Variants in PRR16 observed in about 807,000 individuals in gnomAD.
PRR16 encodes the protein proline rich 16, also known as protein Largen.
In PRR16, 6 loss-of-function variants were observed where a neutral mutation model predicts 18.2. That is an observed-to-expected ratio of 0.33 (90% CI 0.18 to 0.65). The LOEUF is 0.65. Ranked by LOEUF, PRR16 falls within the 30% of genes least tolerant of loss-of-function variation. The pLI is 0.74. For synonymous variants in PRR16, 151 were observed against 147.8 expected, an observed-to-expected ratio of 1.02 and a Z score of -0.16; for missense variants, 412 against 376.6, an observed-to-expected ratio of 1.09 and a Z score of -0.78.
Position 120,686,600 on chromosome 5 carries a change from T to G in PRR16, c.806T>G (p.Ile269Arg), listed in dbSNP as rs921854048. The G allele has an allele frequency of 3.1e-6, 5 of 1,613,514 alleles. No individual in the cohort carries two copies. The African/African-American group carries it at 5.3e-5, about 17-fold the overall frequency. Residue 269 changes from isoleucine (I) to arginine (R), a missense_variant, in exon 2 of 2, where the codon ATA (isoleucine) becomes AGA (arginine). Coordinates refer to ENST00000407149, the MANE Select transcript of PRR16 (RefSeq NM_001300783.2). Reference protein sequence around the residue: ...PFPLENGGMGISHSNSFPPIR... With the variant: ...PFPLENGGMGRSHSNSFPPIR... ...CCACTAGAAAATGGGGGAATGGGAA[T>G]AAGCCACAGTAACAGCTTCCCCCCT...
chr5:120,641,543 G>T (rs956163775), intron 1 of PRR16, among the ~76,000 whole-genome samples: 2 of 152,024 alleles, frequency 1.3e-5, no homozygotes, highest in African/African-American at 4.8e-5. Flanking sequence ...ACACTGCCCT[G>T]CATGAAGTGA....
Position 120,485,348 on chromosome 5 carries a change from T to G in PRR16, c.159+20703T>G, listed in dbSNP as rs1281024375. The stretch of plus-strand genomic sequence containing the variant: ...TAGGATAAATATTGATCATCCTGTT[T>G]CAGACATTTTATTAATGAAATATTA... On this transcript the variant is annotated intron_variant, in intron 1 of 1. Transcript: ENST00000407149. Among the ~76,000 whole-genome samples the G allele has an allele frequency of 2.6e-5, 4 of 152,208 alleles. No homozygotes were observed. In the East Asian group the frequency reaches 7.7e-4, roughly 29 times the overall value.
chr5:120,649,557 A>C (rs1755706652), intron 1 of PRR16, among the ~76,000 whole-genome samples: 2 of 152,202 alleles, frequency 1.3e-5, no homozygotes, highest in African/African-American at 4.8e-5. Context: ...TAAAGTAAAC[A>C]GATGTAGCTC....
chr5:120,601,477 G>T (rs1423746339), intron 1 of PRR16, among the ~76,000 whole-genome samples: 1 of 151,988 alleles, frequency 6.6e-6, no homozygotes, highest in Non-Finnish European at 1.5e-5. Flanking sequence ...ACCTTTGTCA[G>T]ATGCATAGTT....
At chr5:120,491,101 G>A (rs914440421) in intron 1 of PRR16, among the ~76,000 whole-genome samples, 1 of 152,144 alleles carries the variant, frequency 6.6e-6, no homozygotes, top group African/African-American at 2.4e-5. Context: ...TCGGGGTCAG[G>A]GACGCACTTG....
intron 1 of PRR16, among the ~76,000 whole-genome samples, chr5:120,670,261 T>A (rs566662819): frequency 6.6e-6 from 1 of 152,264 alleles, no homozygotes; most frequent in Admixed American, 6.5e-5. Context: ...TTTGTTAAAA[T>A]TAAACAACAT....
At chr5:120,754,406 C>CTATATACTATATATTATATAATATATAG in the PRR16 span, among the ~76,000 whole-genome samples, 3 of 38,522 alleles carry the variant, frequency 7.8e-5, no homozygotes, top group African/African-American at 3.9e-4. Flanking sequence ...ATATATTATA[C>CTATATACTATATATTATATAATATATAG]TATATACTAT....
intron 1 of PRR16, among the ~76,000 whole-genome samples, chr5:120,674,678 A>G (rs1473648335): frequency 6.6e-6 from 1 of 151,950 alleles, no homozygotes; most frequent in Non-Finnish European, 1.5e-5. Context: ...TCAACCATGA[A>G]ATTTTTATTC....
chr5:120,756,012 A>G, the PRR16 span, among the ~76,000 whole-genome samples: 246 of 152,250 alleles, frequency 1.6e-3, 3 homozygotes, highest in African/African-American at 5.5e-3. Flanking sequence ...AAATGAAGGA[A>G]TGACCTGCAA....
chr5:120,656,601 C>T (rs577556302), intron 1 of PRR16, among the ~76,000 whole-genome samples: 28 of 151,772 alleles, frequency 1.8e-4, no homozygotes, highest in Middle Eastern at 3.4e-3. Flanking sequence ...CTATGAAAAG[C>T]ACACATTTCA....
chr5:120,672,836 A>T (rs922713858), intron 1 of PRR16, among the ~76,000 whole-genome samples: 1 of 152,198 alleles, frequency 6.6e-6, no homozygotes, highest in Non-Finnish European at 1.5e-5. Context: ...TAGTTCCATT[A>T]TCTTGAGTTA....
chr5:120,640,056 C>G (rs1400250859), intron 1 of PRR16, among the ~76,000 whole-genome samples: 2 of 151,956 alleles, frequency 1.3e-5, no homozygotes, highest in Non-Finnish European at 1.5e-5. Context: ...AACCAAATAC[C>G]ACATGATCTC....
At chr5:120,655,373 C>CG (rs1755931069) in intron 1 of PRR16, among the ~76,000 whole-genome samples, 1 of 72,080 alleles carries the variant, frequency 1.4e-5, no homozygotes, top group Non-Finnish European at 3.2e-5. Context: ...CAATAATTGA[C>CG]CTTTTTTTTT....
intron 1 of PRR16, among the ~76,000 whole-genome samples, chr5:120,562,609 G>A (rs1431285318): frequency 2.0e-5 from 3 of 151,990 alleles, no homozygotes; most frequent in South Asian, 2.1e-4. Context: ...CTGGTGGTAT[G>A]TTTTAATTTC....
the PRR16 span, among the ~76,000 whole-genome samples, chr5:120,765,444 T>G: frequency 6.6e-6 from 1 of 152,084 alleles, no homozygotes; most frequent in African/African-American, 2.4e-5. Flanking sequence ...TCACATAAAC[T>G]GTGAAAAACA....
At chr5:120,711,561 G>T in the PRR16 span, among the ~76,000 whole-genome samples, 1 of 152,154 alleles carries the variant, frequency 6.6e-6, no homozygotes, top group African/African-American at 2.4e-5. Flanking sequence ...ATATTAATCA[G>T]TATGTCACTT....
chr5:120,761,752 T>C, the PRR16 span, among the ~76,000 whole-genome samples: 5 of 152,248 alleles, frequency 3.3e-5, no homozygotes, highest in East Asian at 1.9e-4. Context: ...TATTTTAAAA[T>C]ACACAATATA....
chr5:120,748,175 A>G, the PRR16 span, among the ~76,000 whole-genome samples: 1 of 152,076 alleles, frequency 6.6e-6, no homozygotes, highest in African/African-American at 2.4e-5. Context: ...CAAAATACTG[A>G]AATAGGAAAC....
intron 1 of PRR16, among the ~76,000 whole-genome samples, chr5:120,490,833 T>G (rs1750007052): frequency 6.6e-6 from 1 of 152,188 alleles, no homozygotes; most frequent in Admixed American, 6.5e-5. Context: ...GGGGTTTTGG[T>G]GTGGATGTCC....
Sources: allele counts gnomAD v4.1 joint callset (sites outside exome capture counted in the v4.1 genomes callset), GRCh38; gene constraint gnomAD v4.1.1; transcripts MANE v1.5; gene names NCBI Gene and HGNC (gene_info 2026-07-23, HGNC 2026-07-21).